The following PALLD variants were observed in gnomAD, a reference collection of about 807,000 sequenced individuals.
The protein encoded by PALLD is palladin, cytoskeletal associated protein, also known as palladin.
Under a neutral mutation model 123.5 loss-of-function variants are expected in PALLD, and 61 were observed. That is an observed-to-expected ratio of 0.49 (90% CI 0.40 to 0.61). PALLD has a LOEUF of 0.61. Among genes scored for constraint, PALLD ranks in the 20% least tolerant of loss-of-function variants. The pLI, the probability that PALLD is intolerant of heterozygous loss-of-function variation, is 0.00. For synonymous variants in PALLD, 465 were observed against 496.4 expected (o/e 0.94, Z 0.84); for missense variants, 1,273 against 1,377.0 (o/e 0.92, Z 1.20).
At chr4:168,635,290 A>G (rs779240085) in intron 2 of PALLD, among the ~76,000 whole-genome samples, 6 of 152,182 alleles carry the variant, frequency 3.9e-5, no homozygotes, top group Admixed American at 6.5e-5. Context: ...CAATGCCAGA[A>G]TGGTGATGCT....
At chr4:168,596,630 G>A (rs1270983608) in intron 2 of PALLD, among the ~76,000 whole-genome samples, 1 of 151,332 alleles carries the variant, frequency 6.6e-6, no homozygotes, top group African/African-American at 2.4e-5. Flanking sequence ...TGTACTTCAG[G>A]GTCACTTCTT....
At chr4:168,558,742 A>G (rs1271358579) in intron 2 of PALLD, among the ~76,000 whole-genome samples, 1 of 152,204 alleles carries the variant, frequency 6.6e-6, no homozygotes, top group Non-Finnish European at 1.5e-5. Flanking sequence ...CCCCATTCTA[A>G]CATCCTGTTA....
chr4:168,702,143 T>C (rs1277927265), intron 8 of PALLD, among the ~76,000 whole-genome samples: 1 of 152,156 alleles, frequency 6.6e-6, no homozygotes, highest in Non-Finnish European at 1.5e-5. Flanking sequence ...TTATGTAAGA[T>C]TTCTTGTGTC....
chr4:168,598,403 T>C, intron 2 of PALLD: 1 of 627,072 alleles, frequency 1.6e-6, no homozygotes, highest in South Asian at 1.4e-5. Flanking sequence ...AGCACCAAGC[T>C]GACTTAATAT....
chr4:168,649,232 G>A (rs568806034), intron 2 of PALLD, among the ~76,000 whole-genome samples: 2 of 152,176 alleles, frequency 1.3e-5, no homozygotes, highest in Admixed American at 6.5e-5. Flanking sequence ...TGAGATAATC[G>A]CTGGCTGGTG....
intron 10 of PALLD, among the ~76,000 whole-genome samples, chr4:168,811,015 G>A (rs1741034013): frequency 6.6e-6 from 1 of 152,160 alleles, no homozygotes; most frequent in South Asian, 2.1e-4. Context: ...GTGCTCACAG[G>A]TAAGCTGACG....
chr4:168,829,308 T>A (rs1743867089), intron 10 of PALLD: 1 of 152,178 alleles, frequency 6.6e-6, no homozygotes, highest in African/African-American at 2.4e-5. Context: ...AGATGACAGA[T>A]CTAATGGATC....
At chr4:168,824,530 C>G (rs1659492522) in intron 10 of PALLD, among the ~76,000 whole-genome samples, 1 of 152,050 alleles carries the variant, frequency 6.6e-6, no homozygotes, top group Admixed American at 6.6e-5. Flanking sequence ...CAAATTTTCT[C>G]AAAATCATTG....
chr4:168,815,408 A>G (rs78393468), intron 10 of PALLD, among the ~76,000 whole-genome samples: 1 of 152,226 alleles, frequency 6.6e-6, no homozygotes, highest in East Asian at 1.9e-4. Context: ...AGTTGAAAGT[A>G]TATTTGTCAC....
chr4:168,921,967 T>G (rs1191714514), intron 18 of PALLD, among the ~76,000 whole-genome samples: 1 of 152,036 alleles, frequency 6.6e-6, no homozygotes, highest in Non-Finnish European at 1.5e-5. Flanking sequence ...TTTTATTAGC[T>G]CTTTTGGGTC....
At chr4:168,644,176 C>T (rs1777217825) in intron 2 of PALLD, among the ~76,000 whole-genome samples, 1 of 151,782 alleles carries the variant, frequency 6.6e-6, no homozygotes, top group African/African-American at 2.4e-5. Context: ...GCAACCTCCA[C>T]CTCCCGGGTT....
rs1760825466 is a variant in PALLD, at chr4:168,497,081, G to C, written c.-196G>C. 1 of 152,044 alleles carries C rather than the reference G, an allele frequency of 6.6e-6. No homozygotes were observed. The highest frequency in any genetic ancestry group is 2.1e-4 in the South Asian group (1 of 4,820). The allele number at this position is 152,044 out of a possible 1,614,324, so 9.4% of individuals were successfully genotyped here. A position where few individuals can be genotyped will look rare whatever the true frequency, so the allele number is the denominator to read the frequency against. On this transcript the variant is annotated 5_prime_UTR_variant, in exon 1 of 22. Coordinates refer to ENST00000505667, the MANE Select transcript of PALLD (RefSeq NM_001166108.2). ...TTGCCTCAAAGTGACCACGGACCAG[G>C]CAGTCTCTAATGAATAGGCAAGGCC...
chr4:168,859,133 C>T (rs1314308725), intron 10 of PALLD, among the ~76,000 whole-genome samples: 1 of 152,232 alleles, frequency 6.6e-6, no homozygotes, highest in Admixed American at 6.5e-5. Context: ...TGCTCTGTTA[C>T]ATGACTCGGG....
chr4:168,679,970 A>G (rs986837803), intron 3 of PALLD, among the ~76,000 whole-genome samples: 1 of 152,100 alleles, frequency 6.6e-6, no homozygotes, highest in Non-Finnish European at 1.5e-5. Context: ...AGAGTTACCT[A>G]AACATGACTG....
intron 2 of PALLD, among the ~76,000 whole-genome samples, chr4:168,616,677 C>T (rs938716793): frequency 1.6e-4 from 24 of 152,262 alleles, no homozygotes; most frequent in African/African-American, 5.3e-4. Context: ...AGGTAGGGTG[C>T]TTGAGAAAAA....
chr4:168,580,169 C>T (rs914211795), intron 2 of PALLD, among the ~76,000 whole-genome samples: 14 of 151,864 alleles, frequency 9.2e-5, no homozygotes, highest in Admixed American at 3.3e-4. Flanking sequence ...ATGATGTCCT[C>T]CAGCCTCATC....
At chr4:168,616,616 C>G (rs551546188) in intron 2 of PALLD, among the ~76,000 whole-genome samples, 1 of 152,254 alleles carries the variant, frequency 6.6e-6, no homozygotes, top group South Asian at 2.1e-4. Flanking sequence ...TGGTATTTCT[C>G]AAGTGGGAGG....
intron 2 of PALLD, among the ~76,000 whole-genome samples, chr4:168,613,136 T>C (rs1773896956): frequency 6.6e-6 from 1 of 152,118 alleles, no homozygotes; most frequent in South Asian, 2.1e-4. Flanking sequence ...TCACACACAT[T>C]TAGATATCTC....
intron 2 of PALLD, among the ~76,000 whole-genome samples, chr4:168,535,552 C>T (rs746133232): frequency 2.0e-5 from 3 of 152,132 alleles, no homozygotes; most frequent in Non-Finnish European, 4.4e-5. Context: ...TAGGGGAAGA[C>T]TTCAGGGGTG....
Sources: gnomAD v4.1 joint callset for allele counts (sites outside exome capture counted in the v4.1 genomes callset) on GRCh38, gnomAD v4.1.1 for gene constraint, MANE v1.5 for transcripts, NCBI Gene and HGNC (gene_info 2026-07-23, HGNC 2026-07-21) for gene names.